Variants in TPM1 observed in about 807,000 individuals in gnomAD.
The protein encoded by TPM1 is tropomyosin 1.
In TPM1, 24 loss-of-function variants were observed where a neutral mutation model predicts 42.9. The ratio of observed to expected loss-of-function variants is 0.56; its 90% CI spans 0.41 to 0.79. The LOEUF is 0.79. TPM1 is among the 30% of genes least tolerant of loss of function. TPM1 has a pLI of 0.00. For missense variants in TPM1, 158 were observed against 351.8 expected, an observed-to-expected ratio of 0.45 and a Z score of 4.41; for synonymous variants, 136 against 130.1, an observed-to-expected ratio of 1.05 and a Z score of -0.31.
At chr15:63,062,691 A>G (rs1200686014) in intron 8 of TPM1, 46 bp downstream of exon 8, 2 of 1,613,896 alleles carry the variant, frequency 1.2e-6, no homozygotes, top group Non-Finnish European at 1.7e-6. Flanking sequence ...ATGGTTGAAT[A>G]CCAACCTGGC....
chr15:63,063,533 G>A (rs1273408070), intron 8 of TPM1: 8 of 226,456 alleles, frequency 3.5e-5, no homozygotes, highest in Admixed American at 6.5e-5. Context: ...CTAAGAAATC[G>A]CTATCCCAGT....
Position 63,061,382 on chromosome 15 carries a change from C to G in TPM1, c.564-331C>G, listed in dbSNP as rs190018689. Reference sequence around the variant, plus strand: ...AACGACTGCACCTTCACTTCACCCTCTGCTATTTATATCTTGCCTTAAGTG... The same window carrying G: ...AACGACTGCACCTTCACTTCACCCTGTGCTATTTATATCTTGCCTTAAGTG... On this transcript the variant is annotated intron_variant, in intron 5 of 9. Coordinates refer to ENST00000403994, the MANE Select transcript of TPM1 (RefSeq NM_001018005.2). 180 of 997,906 alleles carry G rather than the reference C, an allele frequency of 1.8e-4. No homozygotes were observed. In the East Asian group the frequency reaches 4.2e-3, roughly 23 times the overall value. The allele number at this position is 997,906 out of a possible 1,614,324, so 61.8% of individuals were successfully genotyped here.
chr15:63,069,006 AGCCAGGC>A (rs1328887344), downstream of TPM1, among the ~76,000 whole-genome samples: 1 of 151,560 alleles, frequency 6.6e-6, no homozygotes, highest in Non-Finnish European at 1.5e-5. Context: ...AAAAAAAATT[AGCCAGGC>A]GTGGTGGCGG....
Position 63,061,821 on chromosome 15 carries a change from T to C in TPM1, c.639+33T>C, listed in dbSNP as rs752709909. 26 of 1,598,210 alleles carry C rather than the reference T, an allele frequency of 1.6e-5. No individual in the cohort carries two copies. The East Asian group carries it at 5.8e-4, about 36-fold the overall frequency. ...AGGAGGATGGTGTGGGGGAAAGGCA[T>C]CTTTTAAGAGCTGCTCAAAAGAGGC... On this transcript the variant is annotated intron_variant, in intron 6 of 9. Coordinates refer to ENST00000403994, the MANE Select transcript of TPM1 (RefSeq NM_001018005.2).
intron 2 of TPM1, among the ~76,000 whole-genome samples, chr15:63,053,252 T>C (rs1367791840): frequency 6.6e-6 from 1 of 152,232 alleles, no homozygotes; most frequent in East Asian, 1.9e-4. Flanking sequence ...GCAGCAACTG[T>C]TCTCCCAGTC....
chr15:63,063,472 C>A, intron 8 of TPM1: 3 of 673,658 alleles, frequency 4.5e-6, no homozygotes, highest in Non-Finnish European at 5.5e-6. Flanking sequence ...GCCTCCTGGA[C>A]CAGTAATAGG....
intron 2 of TPM1, chr15:63,045,227 G>C (rs985869615): frequency 6.6e-6 from 1 of 151,990 alleles, no homozygotes; most frequent in Admixed American, 6.6e-5. Flanking sequence ...TGAAATTAGT[G>C]AAGTCTTTTG....
downstream of TPM1, among the ~76,000 whole-genome samples, chr15:63,068,765 A>G (rs2036426282): frequency 1.3e-5 from 2 of 152,176 alleles, no homozygotes; most frequent in South Asian, 4.1e-4. Context: ...TAAAATGTAT[A>G]TCACGCTGGT....
chr15:63,062,094 G>A, intron 6 of TPM1, 121 bp from the exon 7 acceptor site: 1 of 873,036 alleles, frequency 1.1e-6, no homozygotes, highest in Non-Finnish European at 1.9e-6. Flanking sequence ...GATATCAGAG[G>A]TTCCATTACC....
intron 2 of TPM1, among the ~76,000 whole-genome samples, chr15:63,052,462 G>C (rs2034079655): frequency 6.6e-6 from 1 of 152,194 alleles, no homozygotes; most frequent in South Asian, 2.1e-4. Context: ...GGTGGAGGTT[G>C]CAGTGAGCCG....
chr15:63,065,952 C>T lies in TPM1; in HGVS notation c.*53C>T. ...TCCCTCGTCGAGCTGGATGTCCCAC[C>T]TCTCTGAGCTCTGCATTTGTCTATT... On this transcript the variant is annotated 3_prime_UTR_variant, in exon 10 of 10. Transcript: ENST00000403994. The T allele has an allele frequency of 1.2e-6, 2 of 1,601,346 alleles. No individual in the cohort carries two copies. The highest frequency in any genetic ancestry group is 2.2e-5 in the East Asian group (1 of 44,618).
At chr15:63,065,488 C>G in intron 9 of TPM1, 1 of 985,374 alleles carries the variant, frequency 1.0e-6, no homozygotes, top group Non-Finnish European at 1.2e-6. Flanking sequence ...GCCATGGAAA[C>G]CAGAGAAAAT....
rs866372945 is a variant in TPM1, at chr15:63,063,152, T to C, written c.772+507T>C. ...GGGAAAAATTATACTTAAGCATTTC[T>C]TCCCTAAGGCACTTAGGTTTTATTT... is the stretch of plus-strand genomic sequence containing the variant. On this transcript the variant is annotated intron_variant, in intron 8 of 9. Coordinates refer to ENST00000403994, the MANE Select transcript of TPM1 (RefSeq NM_001018005.2). The C allele has an allele frequency of 3.1e-6, 3 of 983,028 alleles. No individual in the cohort carries two copies. In the African/African-American group the frequency reaches 5.2e-5, roughly 17 times the overall value. The allele number at this position is 983,028 out of a possible 1,614,324, so 60.9% of individuals were successfully genotyped here.
intron 3 of TPM1, among the ~76,000 whole-genome samples, chr15:63,057,930 G>A (rs2035052615): frequency 6.6e-6 from 1 of 152,142 alleles, no homozygotes; most frequent in Non-Finnish European, 1.5e-5. Context: ...TCAGAGCACT[G>A]AATGTGTATC....
chr15:63,063,432 A>G lies in TPM1; in HGVS notation c.773-632A>G, dbSNP rs2035910206. The G allele has an allele frequency of 7.3e-6, 7 of 960,098 alleles. No homozygotes were observed. In the South Asian group the frequency reaches 3.4e-4, roughly 46 times the overall value. The allele number at this position is 960,098 out of a possible 1,614,324, so 59.5% of individuals were successfully genotyped here. Reference sequence around the variant, plus strand: ...ACAAAAACTAAGTTGCAGACTTGCCATATAAAGTGTGGCGCCCATTGCTTT... The same window carrying G: ...ACAAAAACTAAGTTGCAGACTTGCCGTATAAAGTGTGGCGCCCATTGCTTT... On this transcript the variant is annotated intron_variant, in intron 8 of 9. Transcript: ENST00000403994.
At chr15:63,045,312 G>C (rs1481795990) in intron 2 of TPM1, 1 of 152,066 alleles carries the variant, frequency 6.6e-6, no homozygotes, top group Non-Finnish European at 1.5e-5. Context: ...TTTAGGATCT[G>C]ACAAAAAGAA....
In TPM1 at chr15:63,062,502, C is replaced by A. The variant is rs140932144; in HGVS notation, c.703-74C>A. The stretch of plus-strand genomic sequence containing the variant: ...ATAGGTGATGTGCTTCATTTTCATC[C>A]TCTAGTTTTCCCTATGTTTGTAGCT... On this transcript the variant is annotated intron_variant, in intron 7 of 9. Transcript: ENST00000403994. The A allele has an allele frequency of 7.8e-6, 12 of 1,537,656 alleles. No individual in the cohort carries two copies. In the African/African-American group the frequency reaches 1.1e-4, roughly 14 times the overall value.
chr15:63,060,519 C>G (rs1160777142), intron 4 of TPM1, among the ~76,000 whole-genome samples: 2 of 152,122 alleles, frequency 1.3e-5, no homozygotes, highest in African/African-American at 4.8e-5. Context: ...CCTGGCAGCC[C>G]CCACCTTTTT....
intron 2 of TPM1, among the ~76,000 whole-genome samples, chr15:63,052,869 AAG>A (rs1359666835): frequency 6.6e-6 from 1 of 152,222 alleles, no homozygotes; most frequent in Non-Finnish European, 1.5e-5. Context: ...AAAAATAAGA[AAG>A]AGAAAAAAGT....
Sources: allele counts gnomAD v4.1 joint callset (sites outside exome capture counted in the v4.1 genomes callset), GRCh38; gene constraint gnomAD v4.1.1; transcripts MANE v1.5; gene names NCBI Gene and HGNC (gene_info 2026-07-23, HGNC 2026-07-21).